Variants in SLX4IP observed in about 807,000 individuals in gnomAD.
The protein encoded by SLX4IP is protein SLX4IP.
Under a neutral mutation model 32.9 loss-of-function variants are expected in SLX4IP, and 34 were observed. That is an observed-to-expected ratio of 1.03 (90% CI 0.79 to 1.38). The LOEUF is 1.38. SLX4IP is among the 40% of genes most tolerant of loss of function. The probability of loss-of-function intolerance (pLI) is 0.00; values close to 1 mark genes in which losing one functional copy is unlikely to be tolerated. For synonymous variants in SLX4IP, 172 were observed against 171.7 expected (o/e 1.00, Z -0.01); for missense variants, 444 against 479.0 (o/e 0.93, Z 0.68).
At chr20:10,543,010 C>T (rs2066124695) in intron 2 of SLX4IP, among the ~76,000 whole-genome samples, 1 of 152,178 alleles carries the variant, frequency 6.6e-6, no homozygotes, top group South Asian at 2.1e-4. Context: ...TGCTGTTTGG[C>T]CATTAATGGG....
chr20:10,453,853 TTTTAA>T (rs1257487684), intron 1 of SLX4IP, among the ~76,000 whole-genome samples: 1 of 152,192 alleles, frequency 6.6e-6, no homozygotes, highest in Non-Finnish European at 1.5e-5. Flanking sequence ...GGTCTTTTAA[TTTTAA>T]TTTATTGTCT....
chr20:10,486,945 T>A (rs654320), intron 2 of SLX4IP, among the ~76,000 whole-genome samples: 58,960 of 151,160 alleles, frequency 0.39, 11,695 homozygotes, highest in Non-Finnish European at 0.43. Flanking sequence ...TTGAATAATC[T>A]CTTGAGGGTA....
At position 10,590,625 on chromosome 20, in the gene SLX4IP, T is replaced by A. The variant is rs141821623; in HGVS notation, c.239-8050T>A. On this transcript the variant is annotated intron_variant, in intron 4 of 7. Transcript: ENST00000334534. ...TTCCACTCGCCTCAGCCTCTCAAAG[T>A]GCTAGAATTACAGGCATGAGCCACC... 2.6e-5 allele frequency among the ~76,000 whole-genome samples: 4 copies of A among 152,266 alleles called. No homozygotes were observed. In the East Asian group the frequency reaches 5.8e-4, roughly 22 times the overall value.
intron 4 of SLX4IP, among the ~76,000 whole-genome samples, chr20:10,596,563 G>A (rs765958726): frequency 4.6e-5 from 7 of 152,074 alleles, no homozygotes; most frequent in Non-Finnish European, 7.4e-5. Flanking sequence ...ATTTTGCATA[G>A]GAAGAAGATT....
intron 4 of SLX4IP, among the ~76,000 whole-genome samples, chr20:10,592,611 G>A (rs181747320): frequency 3.0e-5 from 4 of 132,324 alleles, no homozygotes; most frequent in South Asian, 2.7e-4. Context: ...GAAAGCACAC[G>A]TATTCTTCAT....
intron 2 of SLX4IP, among the ~76,000 whole-genome samples, chr20:10,554,068 A>G (rs1386666674): frequency 1.3e-5 from 2 of 152,262 alleles, no homozygotes; most frequent in Non-Finnish European, 2.9e-5. Context: ...CCCCATCAAG[A>G]TACAGAATAG....
At chr20:10,491,496 G>A (rs773407314) in intron 2 of SLX4IP, among the ~76,000 whole-genome samples, 4 of 152,112 alleles carry the variant, frequency 2.6e-5, no homozygotes, top group Non-Finnish European at 5.9e-5. Context: ...ACTCAATTTT[G>A]CTGTCTGCAC....
intron 2 of SLX4IP, among the ~76,000 whole-genome samples, chr20:10,527,906 T>A (rs918889968): frequency 1.8e-4 from 27 of 152,162 alleles, no homozygotes; most frequent in African/African-American, 6.3e-4. Flanking sequence ...GCTTTTTCAT[T>A]TGGGAAAGAA....
chr20:10,535,012 G>A (rs2066026582), intron 2 of SLX4IP, among the ~76,000 whole-genome samples: 2 of 152,184 alleles, frequency 1.3e-5, no homozygotes, highest in African/African-American at 4.8e-5. Context: ...GGAGTGGAAG[G>A]CCCCTCCAAA....
At chr20:10,503,433 C>T (rs1486597077) in intron 2 of SLX4IP, among the ~76,000 whole-genome samples, 1 of 152,174 alleles carries the variant, frequency 6.6e-6, no homozygotes, top group East Asian at 1.9e-4. Context: ...GCCAAATGTG[C>T]TGTTTTCTGT....
chr20:10,484,674 T>G (rs766415816), intron 2 of SLX4IP, among the ~76,000 whole-genome samples: 12 of 152,188 alleles, frequency 7.9e-5, no homozygotes, highest in Non-Finnish European at 1.5e-4. Context: ...AAAGAATAAG[T>G]AAGACATAGT....
intron 3 of SLX4IP, among the ~76,000 whole-genome samples, chr20:10,558,359 A>C (rs975916800): frequency 1.3e-5 from 2 of 149,308 alleles, no homozygotes; most frequent in African/African-American, 2.4e-5. Flanking sequence ...AAAAAAAAAA[A>C]AAACAATTCG....
chr20:10,476,173 A>G (rs1177493032), intron 2 of SLX4IP, among the ~76,000 whole-genome samples: 1 of 152,006 alleles, frequency 6.6e-6, no homozygotes, highest in Non-Finnish European at 1.5e-5. Context: ...TATATCTGTT[A>G]TGATAATTAA....
chr20:10,620,474 T>G (rs2122571267), intron 6 of SLX4IP, among the ~76,000 whole-genome samples: 1 of 152,308 alleles, frequency 6.6e-6, no homozygotes, highest in African/African-American at 2.4e-5. Flanking sequence ...AATTTTTTGG[T>G]AGCCAAGAAT....
chr20:10,460,730 T>G (rs934130739), intron 2 of SLX4IP, among the ~76,000 whole-genome samples: 1 of 152,188 alleles, frequency 6.6e-6, no homozygotes, highest in Non-Finnish European at 1.5e-5. Context: ...CAGGGGAAGC[T>G]GCACTCTTGA....
At chr20:10,453,233 C>T (rs906446269) in intron 1 of SLX4IP, among the ~76,000 whole-genome samples, 1 of 152,036 alleles carries the variant, frequency 6.6e-6, no homozygotes, top group Non-Finnish European at 1.5e-5. Context: ...CCTTGTTATT[C>T]TTCTGCTGTT....
intron 2 of SLX4IP, among the ~76,000 whole-genome samples, chr20:10,510,051 T>C (rs2065793211): frequency 6.6e-6 from 1 of 152,206 alleles, no homozygotes; most frequent in African/African-American, 2.4e-5. Context: ...GAATTTTAAA[T>C]AACAAGGTCA....
chr20:10,492,887 A>G (rs1254777349), intron 2 of SLX4IP, among the ~76,000 whole-genome samples: 1 of 152,184 alleles, frequency 6.6e-6, no homozygotes, highest in Non-Finnish European at 1.5e-5. Flanking sequence ...TATGATTCTA[A>G]ATAGACATAT....
chr20:10,582,559 T>C (rs574905999), intron 4 of SLX4IP, among the ~76,000 whole-genome samples: 2 of 152,310 alleles, frequency 1.3e-5, no homozygotes, highest in Middle Eastern at 3.4e-3. Flanking sequence ...GTCTGCAAGA[T>C]GTGTGTGTAT....
Sources: gnomAD v4.1 joint callset for allele counts (sites outside exome capture counted in the v4.1 genomes callset) on GRCh38, gnomAD v4.1.1 for gene constraint, MANE v1.5 for transcripts, NCBI Gene and HGNC (gene_info 2026-07-23, HGNC 2026-07-21) for gene names.